ST8SIA5: variants seen among roughly 807,000 people sequenced by gnomAD.
ST8SIA5 encodes the protein alpha-2,8-sialyltransferase 8E.
Under a neutral mutation model 40.2 loss-of-function variants are expected in ST8SIA5, and 24 were observed. That is an observed-to-expected ratio of 0.60 (90% CI 0.43 to 0.84). The LOEUF (loss-of-function observed/expected upper bound fraction) is 0.84, where lower values mean the gene tolerates loss of function less well. ST8SIA5 is among the 40% of genes least tolerant of loss of function. ST8SIA5 has a pLI of 0.00. For missense variants in ST8SIA5, 465 were observed against 498.5 expected (o/e 0.93, Z 0.64); for synonymous variants, 198 against 201.8 (o/e 0.98, Z 0.16).
At chr18:46,719,565 C>A (rs1231984240) in intron 1 of ST8SIA5, among the ~76,000 whole-genome samples, 4 of 152,182 alleles carry the variant, frequency 2.6e-5, no homozygotes, top group Non-Finnish European at 5.9e-5. Context: ...GGAGCCCATG[C>A]AATGACAATG....
At chr18:46,731,532 C>G (rs2039984730) in intron 1 of ST8SIA5, 1 of 152,248 alleles carries the variant, frequency 6.6e-6, no homozygotes, top group Non-Finnish European at 1.5e-5. Context: ...GGCGAGGACT[C>G]CAAGGATCAG....
intron 1 of ST8SIA5, among the ~76,000 whole-genome samples, chr18:46,750,391 G>A (rs1432487206): frequency 1.3e-5 from 2 of 152,158 alleles, no homozygotes; most frequent in Non-Finnish European, 2.9e-5. Context: ...GGGGTCAGTG[G>A]GGGACTTAAA....
chr18:46,713,858 C>T (rs987669563), intron 1 of ST8SIA5, among the ~76,000 whole-genome samples: 3 of 152,042 alleles, frequency 2.0e-5, no homozygotes, highest in African/African-American at 7.2e-5. Context: ...GGAAGCAAGG[C>T]CAGGAGTGGG....
In ST8SIA5 at chr18:46,748,555, CA is replaced by C. The variant is rs71162822; in HGVS notation, c.131+7822del. Among the ~76,000 whole-genome samples, 740 of 78,354 alleles carry C rather than the reference CA, an allele frequency of 9.4e-3. 6 individuals carry two copies. The highest frequency in any genetic ancestry group is 0.034 in the African/African-American group (667 of 19,352). The allele number at this position is 78,354 out of a possible 152,430, so 51.4% of individuals were successfully genotyped here. On this transcript the variant is annotated intron_variant, in intron 1 of 6. Coordinates refer to ENST00000315087, the MANE Select transcript of ST8SIA5 (RefSeq NM_013305.6). The stretch of plus-strand genomic sequence containing the variant: ...CTCCAGCCTGGGCAAAACTTCCTCT[CA>C]AAAAAAAAAAAAAAAAAAAGGCAAA...
intron 1 of ST8SIA5, among the ~76,000 whole-genome samples, chr18:46,743,897 G>C (rs963151483): frequency 6.6e-6 from 1 of 152,176 alleles, no homozygotes; most frequent in Non-Finnish European, 1.5e-5. Context: ...AGAAGAGAGT[G>C]GGGGCCAATA....
At chr18:46,727,875 T>C (rs192764798) in intron 1 of ST8SIA5, among the ~76,000 whole-genome samples, 426 of 152,306 alleles carry the variant, frequency 2.8e-3, no homozygotes, top group African/African-American at 9.8e-3. Flanking sequence ...GCTGCTGCCA[T>C]TGCTGTGGAC....
At chr18:46,718,008 C>T (rs1021270535) in intron 1 of ST8SIA5, among the ~76,000 whole-genome samples, 4 of 152,084 alleles carry the variant, frequency 2.6e-5, no homozygotes, top group Non-Finnish European at 5.9e-5. Flanking sequence ...TGCAAAACAC[C>T]CACTTAAATA....
intron 2 of ST8SIA5, among the ~76,000 whole-genome samples, chr18:46,701,754 G>T (rs2039619068): frequency 6.6e-6 from 1 of 152,082 alleles, no homozygotes; most frequent in Non-Finnish European, 1.5e-5. Flanking sequence ...ATAGAGGGAT[G>T]GGAAGTTCCC....
chr18:46,703,826 T>A (rs903261695), intron 2 of ST8SIA5, among the ~76,000 whole-genome samples: 2 of 152,248 alleles, frequency 1.3e-5, no homozygotes, highest in African/African-American at 4.8e-5. Flanking sequence ...ATGGGTTTGC[T>A]GAATTCATGG....
intron 1 of ST8SIA5, among the ~76,000 whole-genome samples, chr18:46,738,732 T>C (rs1326451659): frequency 1.3e-5 from 2 of 152,152 alleles, no homozygotes; most frequent in African/African-American, 2.4e-5. Flanking sequence ...CCCAATCTCC[T>C]GGGGCTGTGC....
chr18:46,689,068 G>A (rs2039477152), intron 3 of ST8SIA5, 149 bp from the exon 4 acceptor site: 11 of 914,992 alleles, frequency 1.2e-5, no homozygotes, highest in Non-Finnish European at 1.7e-5. Context: ...ATGGAGCCGA[G>A]GCCTCTCCTG....
At chr18:46,719,539 A>C (rs2039830151) in intron 1 of ST8SIA5, among the ~76,000 whole-genome samples, 2 of 152,220 alleles carry the variant, frequency 1.3e-5, no homozygotes. Context: ...TACTGGCAGC[A>C]GGAAAAGTTA....
At chr18:46,724,152 A>G (rs1489391088) in intron 1 of ST8SIA5, among the ~76,000 whole-genome samples, 3 of 152,222 alleles carry the variant, frequency 2.0e-5, no homozygotes, top group Non-Finnish European at 4.4e-5. Flanking sequence ...GACTGCAAGT[A>G]TCACAGATCT....
chr18:46,742,428 C>A (rs1272707451), intron 1 of ST8SIA5, among the ~76,000 whole-genome samples: 16 of 149,124 alleles, frequency 1.1e-4, no homozygotes, highest in South Asian at 2.1e-4. Flanking sequence ...CAATCAACAA[C>A]AAAAAAAAAA....
intron 2 of ST8SIA5, among the ~76,000 whole-genome samples, chr18:46,704,206 AC>A: frequency 6.6e-6 from 1 of 152,280 alleles, no homozygotes; most frequent in Non-Finnish European, 1.5e-5. Context: ...GCAACGCTTA[AC>A]CCTGCGGTGC....
At chr18:46,698,880 T>C (rs11659388) in intron 2 of ST8SIA5, among the ~76,000 whole-genome samples, 40,161 of 151,944 alleles carry the variant, frequency 0.26, 6,353 homozygotes, top group Middle Eastern at 0.43. Flanking sequence ...ACAGCTATAA[T>C]AGAGGAAACA....
chr18:46,682,133 G>A (rs374862395), intron 5 of ST8SIA5, 69 bp from the exon 6 acceptor site: 10 of 1,220,888 alleles, frequency 8.2e-6, no homozygotes, highest in Non-Finnish European at 1.1e-5. Flanking sequence ...GGGTGCAGGG[G>A]GAGGGGAGGG....
intron 2 of ST8SIA5, among the ~76,000 whole-genome samples, chr18:46,700,941 G>C (rs1157864308): frequency 6.6e-6 from 1 of 152,118 alleles, no homozygotes; most frequent in East Asian, 1.9e-4. Flanking sequence ...GGACATATGA[G>C]GTTGTCCATG....
chr18:46,731,743 A>G (rs1276322309), intron 1 of ST8SIA5: 3 of 152,234 alleles, frequency 2.0e-5, no homozygotes, highest in Non-Finnish European at 4.4e-5. Flanking sequence ...CATCATCTCT[A>G]AAGTTAGGGA....
Sources: gnomAD v4.1 joint callset for allele counts (sites outside exome capture counted in the v4.1 genomes callset) on GRCh38, gnomAD v4.1.1 for gene constraint, MANE v1.5 for transcripts, NCBI Gene and HGNC (gene_info 2026-07-23, HGNC 2026-07-21) for gene names.